Variants in CCDC30 observed in about 807,000 individuals in gnomAD.
CCDC30 encodes the protein coiled-coil domain-containing protein 30.
CCDC30 carries 70 observed loss-of-function variants against 100.2 expected under a neutral mutation model. That is an observed-to-expected ratio of 0.70 (90% CI 0.58 to 0.85). CCDC30 has a LOEUF of 0.85. CCDC30 is among the 40% of genes least tolerant of loss of function. The pLI is 0.00. For synonymous variants in CCDC30, 233 were observed against 269.5 expected (o/e 0.86, Z 1.33); for missense variants, 652 against 771.2 (o/e 0.85, Z 1.83).
chr1:42,544,334 C>G (rs1228310653), intron 6 of CCDC30, among the ~76,000 whole-genome samples: 1 of 152,170 alleles, frequency 6.6e-6, no homozygotes, highest in Non-Finnish European at 1.5e-5. Flanking sequence ...AACAAAAAGA[C>G]TGAGCAAATG....
downstream of CCDC30, chr1:42,654,293 G>T: frequency 1.1e-5 from 4 of 350,838 alleles, no homozygotes; most frequent in South Asian, 5.0e-5. Context: ...GCACATGTAG[G>T]GTTAATTCAA....
intron 12 of CCDC30, 46 bp from the exon 17 acceptor site, chr1:42,642,427 C>A: frequency 7.1e-7 from 1 of 1,404,740 alleles, no homozygotes; most frequent in East Asian, 2.6e-5. Flanking sequence ...TTAAATTTAT[C>A]ATACTTTCTC....
intron 1 of CCDC30, among the ~76,000 whole-genome samples, chr1:42,478,559 G>A (rs943540861): frequency 6.6e-6 from 1 of 152,130 alleles, no homozygotes; most frequent in Admixed American, 6.5e-5. Flanking sequence ...AGGAATTTGA[G>A]ACCAGCCAGG....
chr1:42,632,245 T>C (rs1416292070), intron 11 of CCDC30, among the ~76,000 whole-genome samples: 2 of 152,108 alleles, frequency 1.3e-5, no homozygotes, highest in Non-Finnish European at 2.9e-5. Context: ...CCTTATGGCT[T>C]AGGGTATGTC....
chr1:42,552,138 TA>T (rs1435676326), intron 6 of CCDC30, among the ~76,000 whole-genome samples: 2 of 152,164 alleles, frequency 1.3e-5, no homozygotes, highest in Admixed American at 6.5e-5. Flanking sequence ...ACTTAAATAT[TA>T]AATCCCTGTA....
chr1:42,464,665 A>G (rs1643511954), intron 1 of CCDC30, among the ~76,000 whole-genome samples: 1 of 152,242 alleles, frequency 6.6e-6, no homozygotes, highest in Admixed American at 6.5e-5. Context: ...GATCCAGTGC[A>G]ATTTTATTTT....
At chr1:42,565,552 G>A (rs1645587911) in intron 6 of CCDC30, among the ~76,000 whole-genome samples, 1 of 152,210 alleles carries the variant, frequency 6.6e-6, no homozygotes, top group African/African-American at 2.4e-5. Flanking sequence ...TGGCAAGGAT[G>A]TGGAGAAAAT....
At chr1:42,641,350 T>C (rs1175471731) in intron 12 of CCDC30, among the ~76,000 whole-genome samples, 1 of 151,534 alleles carries the variant, frequency 6.6e-6, no homozygotes, top group African/African-American at 2.4e-5. Context: ...AGTGCTGAGA[T>C]TACAGGTGTG....
intron 1 of CCDC30, among the ~76,000 whole-genome samples, chr1:42,477,600 A>G (rs1448288130): frequency 1.3e-5 from 2 of 152,214 alleles, no homozygotes; most frequent in African/African-American, 4.8e-5. Flanking sequence ...AGTTTTCCCT[A>G]GCATGTTAAT....
chr1:42,478,230 A>C (rs377273673), intron 1 of CCDC30, among the ~76,000 whole-genome samples: 32 of 152,358 alleles, frequency 2.1e-4, no homozygotes, highest in East Asian at 1.7e-3. Flanking sequence ...GATGGATTAC[A>C]TAGGGACCAG....
intron 1 of CCDC30, among the ~76,000 whole-genome samples, chr1:42,469,132 A>G (rs1643683313): frequency 6.6e-6 from 1 of 152,188 alleles, no homozygotes; most frequent in East Asian, 1.9e-4. Context: ...TAATCCCAGC[A>G]CTTTGAGAGG....
At chr1:42,639,324 C>T (rs1647236393) in intron 12 of CCDC30, among the ~76,000 whole-genome samples, 1 of 152,054 alleles carries the variant, frequency 6.6e-6, no homozygotes, top group Non-Finnish European at 1.5e-5. Flanking sequence ...CAAGAAATAG[C>T]AAGGGTTGCT....
intron 6 of CCDC30, among the ~76,000 whole-genome samples, chr1:42,544,580 T>C (rs1332124963): frequency 2.6e-5 from 4 of 152,220 alleles, no homozygotes; most frequent in African/African-American, 9.6e-5. Flanking sequence ...GGTGGCCTGA[T>C]CTCGGCTCAT....
chr1:42,591,253 G>T (rs1261902779), intron 10 of CCDC30: 1 of 152,246 alleles, frequency 6.6e-6, no homozygotes, highest in Non-Finnish European at 1.5e-5. Flanking sequence ...AGGCCTCAAA[G>T]GCAATCTCAG....
chr1:42,642,713 C>T, intron 13 of CCDC30, 104 bp downstream of exon 17: 1 of 1,111,118 alleles, frequency 9.0e-7, no homozygotes, highest in Non-Finnish European at 1.2e-6. Flanking sequence ...GTAGCCTACC[C>T]TATGACTCTC....
intron 7 of CCDC30, among the ~76,000 whole-genome samples, chr1:42,568,096 G>T (rs1371737826): frequency 6.6e-6 from 1 of 152,028 alleles, no homozygotes; most frequent in South Asian, 2.1e-4. Context: ...TTTATTGAGA[G>T]TTTGTCCACT....
chr1:42,646,309 G>A, exon 15 of CCDC30: 3 of 1,523,860 alleles, frequency 2.0e-6, no homozygotes, highest in Non-Finnish European at 1.8e-6. Context: ...GAAACACTCT[G>A]AGCAGATGGT....
In CCDC30 at chr1:42,647,230, G is replaced by A. The variant is rs567497296; in HGVS notation, c.1854+913G>A. Reference sequence around the variant, plus strand: ...TCATCTATAAAGACACACAGAGACTGAAAAGGAGTGGGAAAAGATATTCCA... The same window carrying A: ...TCATCTATAAAGACACACAGAGACTAAAAAGGAGTGGGAAAAGATATTCCA... On this transcript the variant is annotated intron_variant, in intron 15 of 16. Coordinates refer to ENST00000668663, the Ensembl canonical transcript of CCDC30. Among the ~76,000 whole-genome samples the A allele has an allele frequency of 2.0e-5, 3 of 151,800 alleles. No individual in the cohort carries two copies. In the East Asian group the frequency reaches 5.9e-4, roughly 30 times the overall value.
intron 14 of CCDC30, among the ~76,000 whole-genome samples, 167 bp downstream of exon 18, chr1:42,644,974 T>C (rs1262808481): frequency 6.6e-6 from 1 of 152,172 alleles, no homozygotes; most frequent in African/African-American, 2.4e-5. Context: ...TAGCAGACCC[T>C]GAGACTGCTC....
Sources: gnomAD v4.1 joint callset for allele counts (sites outside exome capture counted in the v4.1 genomes callset) on GRCh38, gnomAD v4.1.1 for gene constraint, MANE v1.5 for transcripts, NCBI Gene and HGNC (gene_info 2026-07-23, HGNC 2026-07-21) for gene names.